The following SIPA1L2 variants were observed in gnomAD, a reference collection of about 807,000 sequenced individuals.
SIPA1L2 encodes the protein signal induced proliferation associated 1 like 2.
In SIPA1L2, 56 loss-of-function variants were observed where a neutral mutation model predicts 163.9. The observed-to-expected ratio is 0.34, with a 90% CI of 0.28 to 0.43. The LOEUF (loss-of-function observed/expected upper bound fraction) is 0.43. SIPA1L2 is among the 20% of genes least tolerant of loss of function. SIPA1L2 has a pLI of 1.00. For missense variants in SIPA1L2, 1,974 were observed against 2,193.5 expected (o/e 0.90, Z 2.00); for synonymous variants, 877 against 865.7 (o/e 1.01, Z -0.23).
At chr1:232,512,705 C>G (rs1347526579) in intron 3 of SIPA1L2, among the ~76,000 whole-genome samples, 3 of 151,986 alleles carry the variant, frequency 2.0e-5, no homozygotes, top group Non-Finnish European at 2.9e-5. Context: ...GGCTTAAAAC[C>G]CAGATGATGG....
In SIPA1L2 at chr1:232,446,182, C is replaced by T. The variant is rs563672196; in HGVS notation, c.3096-396G>A. On this transcript the variant is annotated intron_variant, in intron 10 of 22. Coordinates refer to ENST00000674635, the MANE Select transcript of SIPA1L2 (RefSeq NM_020808.5). ...ACAGCTAAAAAAAATTAACACCTGG[C>T]ACAGCAGAGGCCTCCAGGACTTGTA... Among the ~76,000 whole-genome samples, 4 of 152,330 alleles carry T rather than the reference C, an allele frequency of 2.6e-5. No homozygotes were observed. The East Asian group carries it at 7.7e-4, about 29-fold the overall frequency.
At chr1:232,515,637 A>T in intron 2 of SIPA1L2, 29 bp from the exon 3 acceptor site, 1 of 325,826 alleles carries the variant, frequency 3.1e-6, no homozygotes. Context: ...AGTAGCCATT[A>T]GCAATTAATA....
At chr1:232,444,590 T>G (rs890681121) in intron 11 of SIPA1L2, among the ~76,000 whole-genome samples, 1 of 152,218 alleles carries the variant, frequency 6.6e-6, no homozygotes, top group African/African-American at 2.4e-5. Flanking sequence ...CTGGTTAATA[T>G]TTATATAAGC....
At chr1:232,435,848 AAG>A (rs1662530150) in intron 15 of SIPA1L2, among the ~76,000 whole-genome samples, 1 of 152,174 alleles carries the variant, frequency 6.6e-6, no homozygotes, top group Non-Finnish European at 1.5e-5. Context: ...TCTTCCTCAC[AAG>A]AGTGTAACTT....
intron 1 of SIPA1L2, among the ~76,000 whole-genome samples, chr1:232,608,700 C>T (rs559459757): frequency 2.0e-5 from 3 of 152,130 alleles, no homozygotes; most frequent in Non-Finnish European, 2.9e-5. Flanking sequence ...ATTACAAACA[C>T]GAGGAGATCC....
Position 232,465,480 on chromosome 1 carries a change from A to G in SIPA1L2, c.2244-64T>C. 7.3e-7 allele frequency: 1 copy of G among 1,372,862 alleles called. No homozygotes were observed. The allele number at this position is 1,372,862 out of a possible 1,614,324, so 85.0% of individuals were successfully genotyped here. ...TGATACCATAATATGTATCTTTCCGAATTTGACATATATATACACACACAC... is the reference window on the plus strand; with the variant it reads ...TGATACCATAATATGTATCTTTCCGGATTTGACATATATATACACACACAC... On this transcript the variant is annotated intron_variant, in intron 8 of 22. Transcript: ENST00000674635. The surrounding 1 kb of genome is among the most constrained non-coding windows in gnomAD (Gnocchi z 4.1).
At chr1:232,522,303 C>T (rs1667491418) in intron 2 of SIPA1L2, among the ~76,000 whole-genome samples, 1 of 152,128 alleles carries the variant, frequency 6.6e-6, no homozygotes, top group Non-Finnish European at 1.5e-5. Context: ...GATTTCCACC[C>T]TCCATGCTCC....
At chr1:232,621,676 T>A (rs558339816) in intron 1 of SIPA1L2, among the ~76,000 whole-genome samples, 1 of 152,280 alleles carries the variant, frequency 6.6e-6, no homozygotes, top group African/African-American at 2.4e-5. Context: ...CTCTCCCCAA[T>A]TCTTTATTCT....
At chr1:232,608,833 C>T (rs368516395) in intron 1 of SIPA1L2, among the ~76,000 whole-genome samples, 23 of 152,176 alleles carry the variant, frequency 1.5e-4, no homozygotes, top group South Asian at 1.2e-3. Context: ...CTACCTGGGA[C>T]TGTAAGATTC....
At chr1:232,410,198 C>T (rs553436408) in intron 19 of SIPA1L2, among the ~76,000 whole-genome samples, 41 of 152,174 alleles carry the variant, frequency 2.7e-4, no homozygotes, top group African/African-American at 9.9e-4. Context: ...CTATTAAGTA[C>T]TATGTAACCA....
At chr1:232,615,300 C>T (rs535478371) in intron 1 of SIPA1L2, among the ~76,000 whole-genome samples, 1 of 152,358 alleles carries the variant, frequency 6.6e-6, no homozygotes, top group South Asian at 2.1e-4. Flanking sequence ...TCAGAATCGT[C>T]ACTTCAAGAG....
At chr1:232,424,323 A>C (rs1221296147) in intron 18 of SIPA1L2, among the ~76,000 whole-genome samples, 2 of 41,604 alleles carry the variant, frequency 4.8e-5, no homozygotes, top group African/African-American at 8.8e-5. Context: ...TGAAGCTAAC[A>C]AAAAAAAAAA....
chr1:232,544,272 G>A (rs1169007967), intron 2 of SIPA1L2, among the ~76,000 whole-genome samples: 1 of 152,128 alleles, frequency 6.6e-6, no homozygotes, highest in Non-Finnish European at 1.5e-5. Context: ...TAATACAAAA[G>A]TGCTAGCGGC....
chr1:232,526,896 T>A (rs2103073447), intron 2 of SIPA1L2, among the ~76,000 whole-genome samples: 1 of 152,198 alleles, frequency 6.6e-6, no homozygotes. Flanking sequence ...GACTGAAGTG[T>A]CCTGCTAAGG....
rs74807360 is a variant in SIPA1L2 at position 232,460,982 on chromosome 1, G to A, written c.3000C>T (p.Ala1000=). 0.063 allele frequency: 101,465 copies of A among 1,614,112 alleles called. 3,673 individuals are homozygous for A. The highest frequency in any genetic ancestry group is 0.11 in the Middle Eastern group (659 of 6,062). Reference sequence around the variant, plus strand: ...CGATCATCTGCTCGTGGGTCAGAGTGGCCACGGCTACTTTGCAGATCTCCA... The same window carrying A: ...CGATCATCTGCTCGTGGGTCAGAGTAGCCACGGCTACTTTGCAGATCTCCA... The part of the protein sequence containing the change: ...RLVEICKVAV[A]TLTHEQMIDL... Residue 1000 remains alanine (A), a synonymous_variant, in exon 10 of 23, where the codon GCC becomes GCT. Transcript: ENST00000674635.
At chr1:232,430,953 C>T (rs1662199028) in intron 16 of SIPA1L2, among the ~76,000 whole-genome samples, 1 of 152,150 alleles carries the variant, frequency 6.6e-6, no homozygotes. Context: ...ACACAAACCC[C>T]TTTCTCACCT....
At chr1:232,438,595 C>A (rs1270621479) in intron 15 of SIPA1L2, among the ~76,000 whole-genome samples, 1 of 152,238 alleles carries the variant, frequency 6.6e-6, no homozygotes, top group Non-Finnish European at 1.5e-5. Flanking sequence ...ACTGAATGAA[C>A]CCCAGCTGCA....
intron 16 of SIPA1L2, 43 bp from the exon 17 acceptor site, chr1:232,428,607 G>C: frequency 7.0e-7 from 1 of 1,418,672 alleles, no homozygotes; most frequent in Non-Finnish European, 9.3e-7. Context: ...TATTTGTAAA[G>C]TGCCTGTAGT....
chr1:232,612,378 C>A (rs1662285947), intron 1 of SIPA1L2, among the ~76,000 whole-genome samples: 2 of 152,306 alleles, frequency 1.3e-5, no homozygotes, highest in Non-Finnish European at 2.9e-5. Flanking sequence ...ACAGCTTGCA[C>A]CGTTCGCCTG....
Sources: allele counts gnomAD v4.1 joint callset (sites outside exome capture counted in the v4.1 genomes callset), GRCh38; gene constraint gnomAD v4.1.1; non-coding constraint Gnocchi (gnomAD v3.1); transcripts MANE v1.5; gene names NCBI Gene and HGNC (gene_info 2026-07-23, HGNC 2026-07-21).